Variants in ME3 observed in about 807,000 individuals in gnomAD.
The protein encoded by ME3 is NADP-dependent malic enzyme, mitochondrial.
A neutral mutation model predicts 68.9 loss-of-function variants in ME3; 48 were observed. The ratio of observed to expected loss-of-function variants is 0.70; its 90% CI spans 0.55 to 0.89. The LOEUF is 0.89. Among genes scored for constraint, ME3 ranks in the 40% least tolerant of loss-of-function variants. The probability of loss-of-function intolerance (pLI) is 0.00; values close to 1 mark genes in which losing one functional copy is unlikely to be tolerated. For synonymous variants in ME3, 320 were observed against 318.8 expected, an observed-to-expected ratio of 1.00 and a Z score of -0.04; for missense variants, 675 against 797.4, an observed-to-expected ratio of 0.85 and a Z score of 1.85.
intron 4 of ME3, among the ~76,000 whole-genome samples, chr11:86,509,428 ACG>A (rs140383880): frequency 0.013 from 1,280 of 95,490 alleles, 9 homozygotes; most frequent in Non-Finnish European, 0.025. Flanking sequence ...ACACACACAC[ACG>A]CATGTGCGAA....
At position 86,659,100 on chromosome 11, in the gene ME3, G is replaced by A. The variant is rs572868941; in HGVS notation, c.183+12662C>T. Among the ~76,000 whole-genome samples, 11 of 152,282 alleles carry A rather than the reference G, an allele frequency of 7.2e-5. No individual in the cohort carries two copies. The South Asian group carries it at 2.3e-3, about 32-fold the overall frequency. ...GTTTTCAAGATCATGTTACTGCAAA[G>A]AAATACATAAAATTCAAAAGGAGGG... On this transcript the variant is annotated intron_variant, in intron 2 of 14. Coordinates refer to ENST00000543262, the Ensembl canonical transcript of ME3.
chr11:86,655,350 C>T (rs1945788921), intron 2 of ME3, among the ~76,000 whole-genome samples: 1 of 152,264 alleles, frequency 6.6e-6, no homozygotes, highest in Non-Finnish European at 1.5e-5. Flanking sequence ...TCAAACTATA[C>T]TACAAGGCTA....
intron 2 of ME3, among the ~76,000 whole-genome samples, chr11:86,602,634 C>G (rs145790431): frequency 6.6e-6 from 1 of 152,216 alleles, no homozygotes; most frequent in East Asian, 1.9e-4. Flanking sequence ...CAAAAAAGAG[C>G]CCGCATCAGT....
intron 2 of ME3, among the ~76,000 whole-genome samples, chr11:86,670,151 G>C (rs1489554787): frequency 6.6e-6 from 1 of 152,228 alleles, no homozygotes; most frequent in African/African-American, 2.4e-5. Context: ...TCTAATCAGA[G>C]TCAATAAGGC....
exon 11 of ME3, chr11:86,448,242 A>T: frequency 6.2e-7 from 1 of 1,613,922 alleles, no homozygotes; most frequent in Admixed American, 1.7e-5. Context: ...TTCATGGTTC[A>T]GGTGGCTCCT....
intron 2 of ME3, among the ~76,000 whole-genome samples, chr11:86,589,881 C>T (rs1958960758): frequency 6.6e-6 from 1 of 152,226 alleles, no homozygotes; most frequent in African/African-American, 2.4e-5. Flanking sequence ...GCTGCTGCTA[C>T]TTGGCACCTG....
intron 4 of ME3, among the ~76,000 whole-genome samples, chr11:86,526,586 C>T (rs941426889): frequency 6.6e-6 from 1 of 152,214 alleles, no homozygotes; most frequent in Non-Finnish European, 1.5e-5. Flanking sequence ...GGGTCCCTGA[C>T]CCCCAAATAG....
intron 6 of ME3, among the ~76,000 whole-genome samples, chr11:86,490,099 G>C (rs1249183032): frequency 6.6e-6 from 1 of 152,140 alleles, no homozygotes; most frequent in Non-Finnish European, 1.5e-5. Context: ...TAAGGACACT[G>C]TTCTGGGTCC....
chr11:86,514,789 T>G (rs1953777005), intron 4 of ME3, among the ~76,000 whole-genome samples: 1 of 152,188 alleles, frequency 6.6e-6, no homozygotes, highest in South Asian at 2.1e-4. Context: ...AAAAATACAT[T>G]ACAGTGTCTG....
intron 13 of ME3, 65 bp from the exon 14 acceptor site, chr11:86,442,984 C>T (rs1208000209): frequency 4.5e-6 from 6 of 1,338,004 alleles, no homozygotes; most frequent in Non-Finnish European, 6.4e-6. Flanking sequence ...CAAGCCCAAC[C>T]CGTTACCCCA....
At chr11:86,663,891 G>C (rs546712360) in intron 2 of ME3, among the ~76,000 whole-genome samples, 1 of 152,334 alleles carries the variant, frequency 6.6e-6, no homozygotes, top group African/African-American at 2.4e-5. Flanking sequence ...GTTGGCCCAG[G>C]TCTGGGCAAA....
At chr11:86,457,767 T>C in intron 8 of ME3, 1 of 1,270,788 alleles carries the variant, frequency 7.9e-7, no homozygotes, top group East Asian at 5.7e-5. Flanking sequence ...TTCCTATTCA[T>C]GGTAAAAGAA....
At chr11:86,483,907 A>G (rs944997693) in intron 7 of ME3, among the ~76,000 whole-genome samples, 2 of 152,222 alleles carry the variant, frequency 1.3e-5, no homozygotes, top group African/African-American at 2.4e-5. Context: ...CATCAGGGAA[A>G]ACTCGTGACA....
intron 2 of ME3, among the ~76,000 whole-genome samples, chr11:86,658,616 G>C (rs1217722782): frequency 1.3e-5 from 2 of 152,122 alleles, no homozygotes; most frequent in Admixed American, 6.5e-5. Flanking sequence ...GTTAACAAGA[G>C]AGTGGCTAAG....
chr11:86,586,435 C>A (rs1022095809), intron 2 of ME3, among the ~76,000 whole-genome samples: 8 of 152,152 alleles, frequency 5.3e-5, no homozygotes, highest in African/African-American at 1.9e-4. Flanking sequence ...GGTGGAATTT[C>A]ACAAGATGCC....
Position 86,503,067 on chromosome 11 carries a change from T to G in ME3, c.544-4943A>C, listed in dbSNP as rs1952832646. Among the ~76,000 whole-genome samples the G allele has an allele frequency of 2.0e-5, 3 of 151,978 alleles. No homozygotes were observed. In the South Asian group the frequency reaches 6.2e-4, roughly 32 times the overall value. ...CTCCTCCTCTTCTTCTGCTTCTCCCTCTCTCTCTTTCTACCGCAAAAATAA... is the reference window on the plus strand; with the variant it reads ...CTCCTCCTCTTCTTCTGCTTCTCCCGCTCTCTCTTTCTACCGCAAAAATAA... On this transcript the variant is annotated intron_variant, in intron 5 of 14. Transcript: ENST00000543262.
intron 14 of ME3, 21 bp from the exon 15 acceptor site, chr11:86,441,461 C>A: frequency 6.4e-7 from 1 of 1,565,890 alleles, no homozygotes; most frequent in South Asian, 1.2e-5. Context: ...ACATGTTTGG[C>A]TAAGGAACCG....
intron 3 of ME3, among the ~76,000 whole-genome samples, chr11:86,557,065 T>C (rs1297722603): frequency 1.3e-5 from 2 of 152,218 alleles, no homozygotes; most frequent in Non-Finnish European, 2.9e-5. Context: ...ATCTAAGCAG[T>C]CTGACTCTGG....
intron 14 of ME3, among the ~76,000 whole-genome samples, chr11:86,442,232 A>T (rs2138576723): frequency 6.6e-6 from 1 of 152,302 alleles, no homozygotes; most frequent in East Asian, 1.9e-4. Context: ...TATAGTCTGG[A>T]ATATTCCATG....
Sources: allele counts gnomAD v4.1 joint callset (sites outside exome capture counted in the v4.1 genomes callset), GRCh38; gene constraint gnomAD v4.1.1; transcripts MANE v1.5; gene names NCBI Gene and HGNC (gene_info 2026-07-23, HGNC 2026-07-21).